PYROXD2: variants seen among roughly 807,000 people sequenced by gnomAD.
PYROXD2 encodes pyridine nucleotide-disulfide oxidoreductase domain-containing protein 2.
A neutral mutation model predicts 71.1 loss-of-function variants in PYROXD2; 69 were observed. The ratio of observed to expected loss-of-function variants is 0.97; its 90% CI spans 0.80 to 1.19. PYROXD2 has a LOEUF of 1.19. PYROXD2 is among the 50% of genes most tolerant of loss of function. The pLI is 0.00. For synonymous variants in PYROXD2, 287 were observed against 302.7 expected (o/e 0.95, Z 0.54); for missense variants, 745 against 748.9 (o/e 0.99, Z 0.06).
intron 6 of PYROXD2, among the ~76,000 whole-genome samples, chr10:98,396,413 CAGATCAGCTGAGCCAGCTG>C: frequency 6.6e-6 from 1 of 152,274 alleles, no homozygotes; most frequent in South Asian, 2.1e-4. Flanking sequence ...GAGACCAAAC[CAGATCAGCTGAGCCAGCTG>C]GAATCAGCTG....
chr10:98,383,816 C>T lies in PYROXD2; in HGVS notation c.1728G>A (p.Arg576=), dbSNP rs990252485. 2 of 1,613,964 alleles carry T rather than the reference C, an allele frequency of 1.2e-6. No individual in the cohort carries two copies. Among genetic ancestry groups the T allele is most frequent in the East Asian group, 2.2e-5 (1 of 44,858 alleles). ...TTCAGGGTCACATGCTCTTGAGGTC[C>T]CTAAAGGCCACATGTGCTGCATTTC... ...AGRNAAHVAF[R]DLKSM The change falls in exon 16 of 16, where the codon AGG becomes AGA. Residue 576 remains arginine, a synonymous_variant. Transcript: ENST00000370575.
At chr10:98,407,461 G>C in intron 4 of PYROXD2, 121 bp downstream of exon 4, 1 of 1,208,134 alleles carries the variant, frequency 8.3e-7, no homozygotes, top group Non-Finnish European at 1.2e-6. Context: ...AGACTTGGGT[G>C]GAAGAGGGAG....
intron 6 of PYROXD2, 43 bp from the exon 7 acceptor site, chr10:98,395,495 A>G: frequency 1.3e-6 from 2 of 1,570,848 alleles, no homozygotes; most frequent in Non-Finnish European, 1.8e-6. Flanking sequence ...AACAGGTGAC[A>G]GGGAAACCCT....
At position 98,385,011 on chromosome 10, in the gene PYROXD2, G is replaced by A. The variant is rs757187523; in HGVS notation, c.1611C>T (p.Pro537=). The A allele has an allele frequency of 3.5e-5, 57 of 1,613,764 alleles. No individual in the cohort carries two copies. The highest frequency in any genetic ancestry group is 4.6e-5 in the Non-Finnish European group (54 of 1,179,912). The stretch of plus-strand genomic sequence containing the variant: ...GAGGGCAGCGGTAGCCAGAATGCAG[G>A]GGCACGGGGCGGGCGAAGTAGAGCT... ...LDQLYFARPV[P]LHSGYRCPLQ... is the part of the protein sequence containing the mutation. The change falls in exon 15 of 16, where the codon CCC becomes CCT. Residue 537 remains proline (P), a synonymous_variant. Coordinates refer to ENST00000370575, the MANE Select transcript of PYROXD2 (RefSeq NM_032709.3).
intron 1 of PYROXD2, among the ~76,000 whole-genome samples, chr10:98,412,633 GTGCCT>G (rs1245074952): frequency 2.0e-5 from 3 of 152,242 alleles, no homozygotes; most frequent in Non-Finnish European, 4.4e-5. Flanking sequence ...AGGTGCCAGT[GTGCCT>G]TCAGGGACTC....
chr10:98,397,653 G>A (rs1843238456), intron 5 of PYROXD2, among the ~76,000 whole-genome samples, 155 bp from the exon 6 acceptor site: 1 of 152,144 alleles, frequency 6.6e-6, no homozygotes, highest in Non-Finnish European at 1.5e-5. Context: ...CCCAGTTCCA[G>A]GTCTCTGGGT....
chr10:98,402,630 T>C (rs1234240665), intron 4 of PYROXD2, among the ~76,000 whole-genome samples: 13 of 152,256 alleles, frequency 8.5e-5, no homozygotes, highest in Non-Finnish European at 1.5e-5. Flanking sequence ...CTCCAGTTTC[T>C]GCTGTCGAGA....
chr10:98,383,734 G>A lies in PYROXD2; in HGVS notation c.*64C>T. The A allele has an allele frequency of 7.2e-7, 1 of 1,388,058 alleles. No homozygotes were observed. 86.0% of individuals were successfully genotyped at this position (1,388,058 alleles called of 1,614,324 possible). On this transcript the variant is annotated 3_prime_UTR_variant, in exon 16 of 16. Coordinates refer to ENST00000370575, the MANE Select transcript of PYROXD2 (RefSeq NM_032709.3). The stretch of plus-strand genomic sequence containing the variant: ...CCGAAGCTGAACTTCCTGGGAAGCT[G>A]ATCCAATGGAGCACTTGGAATTCAG...
rs1842661685 is a variant in PYROXD2 at position 98,383,768 on chromosome 10, T to G, written c.*30A>C. ...GAGCACTTGGAATTCAGGGGTGGAG[T>G]CTTCTTCCTGGGTCAGAGCTGGTTC... On this transcript the variant is annotated 3_prime_UTR_variant, in exon 16 of 16. Coordinates refer to ENST00000370575, the MANE Select transcript of PYROXD2 (RefSeq NM_032709.3). 1.1e-5 allele frequency: 17 copies of G among 1,602,726 alleles called. No individual in the cohort carries two copies. Among genetic ancestry groups the G allele is most frequent in the Non-Finnish European group, 1.5e-5 (17 of 1,169,890 alleles).
At chr10:98,414,813 C>G (rs1451680024) in intron 1 of PYROXD2, 196 bp downstream of exon 1, 1 of 721,752 alleles carries the variant, frequency 1.4e-6, no homozygotes, top group African/African-American at 1.8e-5. Flanking sequence ...GCAGAGCCAG[C>G]ACCGGAATCC....
intron 1 of PYROXD2, among the ~76,000 whole-genome samples, chr10:98,413,437 C>T (rs7914589): frequency 3.3e-4 from 50 of 152,262 alleles, no homozygotes; most frequent in African/African-American, 9.6e-4. Context: ...AGAAGGAGGC[C>T]GGGCGCAGTG....
rs1351811661 is a variant in PYROXD2, at chr10:98,393,069, T to C, written c.800A>G (p.His267Arg). The C allele has an allele frequency of 6.3e-7, 1 of 1,584,970 alleles. No individual in the cohort carries two copies. The highest frequency in any genetic ancestry group is 8.5e-7 in the Non-Finnish European group (1 of 1,171,320). Residue 267 changes from histidine (H) to arginine (R), a missense_variant, in exon 9 of 16, where the codon CAC (histidine) becomes CGC (arginine). Physicochemically the swap from His to Arg is conservative, Grantham distance 29 (BLOSUM62 0). Transcript: ENST00000370575. ...HTPGSGYVLL[H>R]HVMGGLEGMQ... ...TCCCTCCAGGCCCCCCATCACATGGTGCAGCAGCACATACCTGTGGACAGA... is the reference window on the plus strand; with the variant it reads ...TCCCTCCAGGCCCCCCATCACATGGCGCAGCAGCACATACCTGTGGACAGA...
At chr10:98,389,182 T>C (rs1342846738) in intron 12 of PYROXD2, among the ~76,000 whole-genome samples, 3 of 152,072 alleles carry the variant, frequency 2.0e-5, no homozygotes, top group Non-Finnish European at 2.9e-5. Flanking sequence ...TAAAATCTGC[T>C]CCACCCCCAC....
chr10:98,388,307 G>T lies in PYROXD2; in HGVS notation c.1447+47C>A, dbSNP rs184023353. 5.6e-6 allele frequency: 9 copies of T among 1,601,378 alleles called. No homozygotes were observed. In the East Asian group the frequency reaches 1.6e-4, roughly 28 times the overall value. ...GAGGAGGAGCAGGCCCAGTTGGGTC[G>T]CATGCCCGGCTGTGGCTCTGGAGGC... On this transcript the variant is annotated intron_variant, in intron 13 of 15. Coordinates refer to ENST00000370575, the MANE Select transcript of PYROXD2 (RefSeq NM_032709.3).
Position 98,384,814 on chromosome 10 carries a change from A to G in PYROXD2, c.1675+133T>C, listed in dbSNP as rs1395067430. ...GCATGGATAATTCTGAACACAGGGC[A>G]GCTTATGTTGGGAGTTCCCTGCTCC... On this transcript the variant is annotated intron_variant, in intron 15 of 15. Transcript: ENST00000370575. 1.0e-5 allele frequency: 13 copies of G among 1,305,960 alleles called. No individual in the cohort carries two copies. The South Asian group carries it at 1.0e-4, about 10-fold the overall frequency. 80.9% of individuals were successfully genotyped at this position (1,305,960 alleles called of 1,614,324 possible). A position where few individuals can be genotyped will look rare whatever the true frequency, so the allele number is the denominator to read the frequency against.
intron 4 of PYROXD2, among the ~76,000 whole-genome samples, chr10:98,406,701 G>A (rs1297712675): frequency 4.0e-5 from 6 of 151,898 alleles, no homozygotes; most frequent in East Asian, 1.9e-4. Flanking sequence ...AGACCATCCC[G>A]GCTAACACGG....
chr10:98,399,076 G>A (rs1843299451), intron 5 of PYROXD2, among the ~76,000 whole-genome samples: 1 of 152,204 alleles, frequency 6.6e-6, no homozygotes, highest in African/African-American at 2.4e-5. Flanking sequence ...GGGAGGCAGA[G>A]GTTACAGTGA....
intron 1 of PYROXD2, 79 bp downstream of exon 1, chr10:98,414,930 C>T (rs1026635377): frequency 3.9e-6 from 6 of 1,546,490 alleles, no homozygotes; most frequent in Non-Finnish European, 5.3e-6. Context: ...CTTGGCTCCC[C>T]CTCCCCCTCC....
chr10:98,386,156 A>G (rs10883083), intron 14 of PYROXD2, among the ~76,000 whole-genome samples: 77,260 of 151,192 alleles, frequency 0.51, 22,282 homozygotes, highest in African/African-American at 0.78. Context: ...GCATGCCTGT[A>G]GGCCCAGCTA....
Sources: gnomAD v4.1 joint callset for allele counts (sites outside exome capture counted in the v4.1 genomes callset) on GRCh38, gnomAD v4.1.1 for gene constraint, MANE v1.5 for transcripts, NCBI Gene and HGNC (gene_info 2026-07-23, HGNC 2026-07-21) for gene names.